The following ZNF875 variants were observed in gnomAD, a reference collection of about 807,000 sequenced individuals.
ZNF875 encodes HKR1, GLI-Kruppel zinc finger family member.
Under a neutral mutation model 11.2 loss-of-function variants are expected in ZNF875, and 14 were observed. The ratio of observed to expected loss-of-function variants is 1.26; its 90% CI spans 0.83 to 1.96. ZNF875 has a LOEUF of 1.96. ZNF875 is among the 30% of genes most tolerant of loss of function. The probability of loss-of-function intolerance (pLI) is 0.00; values close to 1 mark genes in which losing one functional copy is unlikely to be tolerated. For missense variants in ZNF875, 752 were observed against 760.4 expected (o/e 0.99, Z 0.13); for synonymous variants, 301 against 281.1 (o/e 1.07, Z -0.71).
upstream of ZNF875, chr19:37,313,087 T>A (rs2030031029): frequency 6.6e-6 from 1 of 152,200 alleles, no homozygotes; most frequent in Non-Finnish European, 1.5e-5. Context: ...TTCTCTCCCA[T>A]TAGATGGCTT....
chr19:37,319,344 CATAT>C lies in ZNF875; in HGVS notation c.-747+1180_-747+1183del, dbSNP rs146774743. ...TACAGGTGTGCTCCACTGCAGCCGGCATATATATATATATATATATATATAATAA... is the reference window on the plus strand; with the variant it reads ...TACAGGTGTGCTCCACTGCAGCCGGCATATATATATATATATATATAATAA... On this transcript the variant is annotated intron_variant, in intron 1 of 5. Coordinates refer to the ZNF875 transcript ENST00000544914. 1.7e-3 allele frequency among the ~76,000 whole-genome samples: 195 copies of C among 112,322 alleles called. 11 individuals carry two copies. The highest frequency in any genetic ancestry group is 7.1e-3 in the African/African-American group (168 of 23,794). The allele number at this position is 112,322 out of a possible 152,430, so 73.7% of individuals were successfully genotyped here.
intron 4 of ZNF875, chr19:37,359,858 A>G (rs2039613914): frequency 6.6e-6 from 1 of 152,182 alleles, no homozygotes; most frequent in Admixed American, 6.6e-5. Flanking sequence ...ATTTTCAGAT[A>G]TTTCTCCCTG....
At chr19:37,347,680 T>A (rs2037074853) in intron 3 of ZNF875, 97 bp from the exon 4 acceptor site, 2 of 769,342 alleles carry the variant, frequency 2.6e-6, no homozygotes, top group Non-Finnish European at 4.6e-6. Context: ...AGGTCTTTTT[T>A]ATCCTCTGGG....
chr19:37,329,349 T>G (rs2033026924), intron 4 of ZNF875, among the ~76,000 whole-genome samples: 1 of 152,166 alleles, frequency 6.6e-6, no homozygotes, highest in South Asian at 2.1e-4. Flanking sequence ...CAGGCTGTGA[T>G]TTGCCATCTA....
intron 4 of ZNF875, among the ~76,000 whole-genome samples, chr19:37,328,178 G>C (rs1486214771): frequency 6.6e-6 from 1 of 152,106 alleles, no homozygotes; most frequent in African/African-American, 2.4e-5. Context: ...GGTGGAGCCT[G>C]CAGTAAGCCA....
intron 2 of ZNF875, among the ~76,000 whole-genome samples, chr19:37,336,913 A>G (rs769962906): frequency 9.2e-5 from 14 of 152,002 alleles, no homozygotes; most frequent in Non-Finnish European, 1.9e-4. Context: ...ATCTCAAAAT[A>G]AATAAATAAA....
At chr19:37,313,548 T>G (rs1449656975), upstream of ZNF875, among the ~76,000 whole-genome samples, 1 of 152,102 alleles carries the variant, frequency 6.6e-6, no homozygotes, top group Non-Finnish European at 1.5e-5. Context: ...ATACCTACAA[T>G]CATTGATTCC....
At chr19:37,347,404 TC>T in intron 3 of ZNF875, 88 bp downstream of exon 3, 1 of 1,263,436 alleles carries the variant, frequency 7.9e-7, no homozygotes, top group Non-Finnish European at 1.1e-6. Flanking sequence ...AGAGCACCTT[TC>T]CCTTAGAGTT....
intron 2 of ZNF875, among the ~76,000 whole-genome samples, chr19:37,335,580 C>T (rs991338919): frequency 4.6e-5 from 7 of 152,196 alleles, no homozygotes; most frequent in Non-Finnish European, 1.0e-4. Context: ...ACACAACCCT[C>T]CCGTATTTAT....
At chr19:37,334,370 C>A (rs1018282533), upstream of ZNF875, among the ~76,000 whole-genome samples, 1 of 152,346 alleles carries the variant, frequency 6.6e-6, no homozygotes, top group Non-Finnish European at 1.5e-5. Context: ...CCGCAGAGCA[C>A]CGGGACCACA....
At chr19:37,335,389 A>G in intron 2 of ZNF875, 132 bp downstream of exon 2, 1 of 564,098 alleles carries the variant, frequency 1.8e-6, no homozygotes, top group African/African-American at 1.9e-5. Context: ...TCCATAGAAC[A>G]AGGAGGATTT....
chr19:37,330,147 C>T (rs1459795261), upstream of ZNF875, among the ~76,000 whole-genome samples: 2 of 151,854 alleles, frequency 1.3e-5, no homozygotes, highest in East Asian at 1.9e-4. Flanking sequence ...TTTTACCTAT[C>T]TTTTAAATTG....
intron 3 of ZNF875, 45 bp from the exon 4 acceptor site, chr19:37,347,732 T>G: frequency 3.8e-5 from 47 of 1,251,706 alleles, no homozygotes; most frequent in Non-Finnish European, 5.1e-5. Flanking sequence ...AATGCCCTCT[T>G]GAGCCCATAA....
chr19:37,335,274 A>G lies in ZNF875; in HGVS notation c.33+17A>G, dbSNP rs2034113567. Reference sequence around the variant, plus strand: ...AAAAAAGAGGTGAGAATTAACTGTAATTCTATCTTGGCTGTCAACAGAATG... The same window carrying G: ...AAAAAAGAGGTGAGAATTAACTGTAGTTCTATCTTGGCTGTCAACAGAATG... On this transcript the variant is annotated intron_variant, in intron 2 of 4. Transcript: ENST00000392153. The G allele has an allele frequency of 1.4e-6, 1 of 693,544 alleles. No homozygotes were observed. The highest frequency in any genetic ancestry group is 2.6e-6 in the Non-Finnish European group (1 of 377,756). The allele number at this position is 693,544 out of a possible 1,614,324, so 43.0% of individuals were successfully genotyped here.
intron 4 of ZNF875, chr19:37,325,048 G>A (rs1568564976): frequency 6.6e-6 from 1 of 152,432 alleles, no homozygotes; most frequent in Admixed American, 6.5e-5. Context: ...AAAGTGCTGG[G>A]ATTACAGGCC....
chr19:37,361,996 G>A (rs1171476559), intron 4 of ZNF875, 113 bp from the exon 5 acceptor site: 7 of 673,972 alleles, frequency 1.0e-5, no homozygotes, highest in Non-Finnish European at 1.9e-5. Flanking sequence ...GTCTAACTGG[G>A]AGATAGCTTG....
At chr19:37,344,438 A>G (rs554277992) in intron 2 of ZNF875, among the ~76,000 whole-genome samples, 10 of 152,286 alleles carry the variant, frequency 6.6e-5, no homozygotes, top group African/African-American at 2.4e-4. Context: ...CCAGTGCACT[A>G]AGCCCTGCTG....
At chr19:37,335,641 G>A (rs778272620) in intron 2 of ZNF875, among the ~76,000 whole-genome samples, 42 of 152,184 alleles carry the variant, frequency 2.8e-4, no homozygotes, top group Non-Finnish European at 1.2e-4. Context: ...GTAATTGTCA[G>A]TTGGCCGTTT....
At position 37,336,026 on chromosome 19, in the gene ZNF875, G is replaced by A. The variant is rs62109238; in HGVS notation, c.33+769G>A. 3.1e-3 allele frequency among the ~76,000 whole-genome samples: 476 copies of A among 152,250 alleles called. 6 individuals are homozygous for A. Among genetic ancestry groups the A allele is most frequent in the Admixed American group, 0.013 (200 of 15,296 alleles). Reference sequence around the variant, plus strand: ...TAGTTAATTGTGAACAACACATATGGAGCAGTTTAAATAAAAGTAAAGAGA... The same window carrying A: ...TAGTTAATTGTGAACAACACATATGAAGCAGTTTAAATAAAAGTAAAGAGA... On this transcript the variant is annotated intron_variant, in intron 2 of 4. Transcript: ENST00000392153.
Sources: allele counts gnomAD v4.1 joint callset (sites outside exome capture counted in the v4.1 genomes callset), GRCh38; gene constraint gnomAD v4.1.1; transcripts MANE v1.5; gene names NCBI Gene and HGNC (gene_info 2026-07-23, HGNC 2026-07-21).